ADAMTS16: variants seen among roughly 807,000 people sequenced by gnomAD.
ADAMTS16 encodes ADAM metallopeptidase with thrombospondin type 1 motif 16.
ADAMTS16 carries 94 observed loss-of-function variants against 145.8 expected under a neutral mutation model. The observed-to-expected ratio is 0.64, with a 90% CI of 0.55 to 0.77. The LOEUF (loss-of-function observed/expected upper bound fraction) is 0.77, where lower values mean the gene tolerates loss of function less well. Among genes scored for constraint, ADAMTS16 ranks in the 30% least tolerant of loss-of-function variants. The pLI is 0.00. For missense variants in ADAMTS16, 1,585 were observed against 1,591.5 expected, an observed-to-expected ratio of 1.00 and a Z score of 0.07; for synonymous variants, 659 against 604.3, an observed-to-expected ratio of 1.09 and a Z score of -1.33.
chr5:5,215,890 A>G (rs201493281), intron 10 of ADAMTS16, among the ~76,000 whole-genome samples: 15,199 of 96,306 alleles, frequency 0.16, 1,208 homozygotes, highest in Non-Finnish European at 0.22. Context: ...ATATATATAT[A>G]TATATATATA....
intron 18 of ADAMTS16, among the ~76,000 whole-genome samples, chr5:5,272,360 A>ATTTTT (rs11444357): frequency 1.6e-5 from 2 of 122,502 alleles, no homozygotes; most frequent in Non-Finnish European, 3.3e-5. Flanking sequence ...ATTCCAAAGG[A>ATTTTT]TTTTTTTTTT....
intron 18 of ADAMTS16, among the ~76,000 whole-genome samples, chr5:5,281,774 A>T (rs11738891): frequency 0.84 from 128,615 of 152,254 alleles, 54,801 homozygotes; most frequent in Non-Finnish European, 0.89. Flanking sequence ...TTTATAGGCA[A>T]TGAATGTAAA....
rs139447145 is a variant in ADAMTS16 at position 5,208,189 on chromosome 5, A to AGTGGAAC, written c.1452-899_1452-893dup. Among the ~76,000 whole-genome samples the AGTGGAAC allele has an allele frequency of 8.5e-3, 1,288 of 152,312 alleles. 19 individuals are homozygous for AGTGGAAC. The highest frequency in any genetic ancestry group is 0.029 in the African/African-American group (1,196 of 41,562). On this transcript the variant is annotated intron_variant, in intron 9 of 22. Coordinates refer to ENST00000274181, the MANE Select transcript of ADAMTS16 (RefSeq NM_139056.4). ...TGCACGGAGTCCTGAGCTCTGAAGC[A>AGTGGAAC]GTGGAACGTGGGACTGGGGGTCCTA...
At chr5:5,203,713 A>T (rs1736016165) in intron 9 of ADAMTS16, among the ~76,000 whole-genome samples, 1 of 152,190 alleles carries the variant, frequency 6.6e-6, no homozygotes, top group Admixed American at 6.5e-5. Flanking sequence ...TTAGCTCATT[A>T]TTTTAAATTT....
intron 14 of ADAMTS16, 111 bp downstream of exon 14, chr5:5,237,210 A>G (rs1737135085): frequency 2.5e-6 from 3 of 1,177,292 alleles, no homozygotes; most frequent in Non-Finnish European, 3.5e-6. Flanking sequence ...CTTTCCCTCT[A>G]AGTTGCAGCC....
chr5:5,205,232 A>T (rs923591453), intron 9 of ADAMTS16, among the ~76,000 whole-genome samples: 10 of 151,924 alleles, frequency 6.6e-5, no homozygotes, highest in Non-Finnish European at 1.5e-4. Flanking sequence ...GCCTTTTGCT[A>T]AACAGAAATT....
intron 3 of ADAMTS16, among the ~76,000 whole-genome samples, chr5:5,159,785 C>T (rs192413188): frequency 3.3e-5 from 5 of 152,282 alleles, no homozygotes; most frequent in Admixed American, 2.0e-4. Context: ...TGTTTAGAGC[C>T]ATTGCTGACG....
chr5:5,183,883 C>T (rs1375351599), intron 4 of ADAMTS16, among the ~76,000 whole-genome samples: 1 of 152,242 alleles, frequency 6.6e-6, no homozygotes, highest in Non-Finnish European at 1.5e-5. Context: ...CTCTATAACA[C>T]ATTCTGTATT....
At chr5:5,244,203 C>T (rs35680269) in intron 17 of ADAMTS16, among the ~76,000 whole-genome samples, 436 of 152,288 alleles carry the variant, frequency 2.9e-3, no homozygotes, top group Middle Eastern at 0.014. Context: ...GGAACACTTG[C>T]AAATGGTATC....
At chr5:5,197,902 C>G (rs976341649) in intron 8 of ADAMTS16, among the ~76,000 whole-genome samples, 2 of 152,092 alleles carry the variant, frequency 1.3e-5, no homozygotes, top group Non-Finnish European at 2.9e-5. Flanking sequence ...CACCCAAATG[C>G]CAGCTCCTAA....
chr5:5,315,979 G>C (rs1047520946), intron 21 of ADAMTS16, among the ~76,000 whole-genome samples: 1 of 152,144 alleles, frequency 6.6e-6, no homozygotes, highest in Non-Finnish European at 1.5e-5. Context: ...AACAGTTTCA[G>C]CTTGTGACTT....
intron 18 of ADAMTS16, among the ~76,000 whole-genome samples, chr5:5,297,082 G>A (rs1285508058): frequency 1.3e-5 from 2 of 152,310 alleles, no homozygotes; most frequent in Non-Finnish European, 2.9e-5. Context: ...AGTAAAATGT[G>A]CATCACCTTG....
At chr5:5,290,461 C>G (rs535268908) in intron 18 of ADAMTS16, among the ~76,000 whole-genome samples, 1 of 152,178 alleles carries the variant, frequency 6.6e-6, no homozygotes, top group African/African-American at 2.4e-5. Flanking sequence ...TTGAGGCTAG[C>G]CTGACCAACA....
chr5:5,291,493 G>T (rs1251594732), intron 18 of ADAMTS16, among the ~76,000 whole-genome samples: 1 of 152,160 alleles, frequency 6.6e-6, no homozygotes, highest in East Asian at 1.9e-4. Context: ...CTCCCAGCCT[G>T]CCCAGCACTG....
intron 17 of ADAMTS16, among the ~76,000 whole-genome samples, chr5:5,258,634 G>A (rs544765363): frequency 6.6e-6 from 1 of 152,210 alleles, no homozygotes; most frequent in African/African-American, 2.4e-5. Context: ...AGGCATGGCT[G>A]TAGAGGACAG....
At chr5:5,196,679 A>G (rs1223762562) in intron 8 of ADAMTS16, among the ~76,000 whole-genome samples, 1 of 152,196 alleles carries the variant, frequency 6.6e-6, no homozygotes, top group Non-Finnish European at 1.5e-5. Context: ...CATACCAACC[A>G]TGAATGGCAC....
chr5:5,205,220 G>T (rs1009710385), intron 9 of ADAMTS16, among the ~76,000 whole-genome samples: 7 of 150,340 alleles, frequency 4.7e-5, no homozygotes, highest in African/African-American at 1.7e-4. Context: ...ACTTTTAATG[G>T]TGCCTTTTGC....
chr5:5,231,900 A>C (rs1187516368), intron 11 of ADAMTS16, among the ~76,000 whole-genome samples: 4 of 152,136 alleles, frequency 2.6e-5, no homozygotes, highest in African/African-American at 7.2e-5. Flanking sequence ...TTTGGGGGGA[A>C]AGCACAGACT....
chr5:5,303,851 TTC>T lies in ADAMTS16; in HGVS notation c.3186+93_3186+94del. The T allele has an allele frequency of 4.9e-6, 7 of 1,420,200 alleles. No individual in the cohort carries two copies. In the South Asian group the frequency reaches 9.0e-5, roughly 18 times the overall value. The allele number at this position is 1,420,200 out of a possible 1,614,324, so 88.0% of individuals were successfully genotyped here. On this transcript the variant is annotated intron_variant, in intron 20 of 22. Coordinates refer to ENST00000274181, the MANE Select transcript of ADAMTS16 (RefSeq NM_139056.4). ...TCTCTCCTGGTTTTTCTCTTCTCAC[TTC>T]TCTCTCTTCTCCCCTTATATCTCTT... is the stretch of plus-strand genomic sequence containing the variant.
Sources: gnomAD v4.1 joint callset for allele counts (sites outside exome capture counted in the v4.1 genomes callset) on GRCh38, gnomAD v4.1.1 for gene constraint, MANE v1.5 for transcripts, NCBI Gene and HGNC (gene_info 2026-07-23, HGNC 2026-07-21) for gene names.